Variants in LCP2 observed in about 807,000 individuals in gnomAD.
The protein encoded by LCP2 is lymphocyte cytosolic protein 2.
LCP2 carries 29 observed loss-of-function variants against 74.5 expected under a neutral mutation model. That is an observed-to-expected ratio of 0.39 (90% CI 0.29 to 0.53). LCP2 has a LOEUF of 0.53. Among genes scored for constraint, LCP2 ranks in the 20% least tolerant of loss-of-function variants. The probability of loss-of-function intolerance (pLI) is 0.72; values close to 1 mark genes in which losing one functional copy is unlikely to be tolerated. For synonymous variants in LCP2, 228 were observed against 229.5 expected (o/e 0.99, Z 0.06); for missense variants, 604 against 634.6 (o/e 0.95, Z 0.52).
In LCP2 at chr5:170,275,662, C is replaced by T. The variant is rs149095071; in HGVS notation, c.254+133G>A. 1.6e-3 allele frequency: 1,284 copies of T among 792,110 alleles called. 16 individuals are homozygous for T. In the African/African-American group the frequency reaches 0.019, roughly 12 times the overall value. The allele number at this position is 792,110 out of a possible 1,614,324, so 49.1% of individuals were successfully genotyped here. On this transcript the variant is annotated intron_variant, in intron 4 of 20. Transcript: ENST00000046794. ...GGAACCCCTTCCCCTCGTTGGACAC[C>T]ATCTTCCAGACCCCTGGGATTCAGG...
intron 1 of LCP2, among the ~76,000 whole-genome samples, chr5:170,295,943 A>G (rs1762373726): frequency 6.6e-6 from 1 of 152,062 alleles, no homozygotes; most frequent in Non-Finnish European, 1.5e-5. Flanking sequence ...ACCATCCCTG[A>G]CCCGTGGTCC....
chr5:170,248,834 A>T lies in LCP2; in HGVS notation c.1480-15T>A. Reference sequence around the variant, plus strand: ...GACAGAAAGTCCTGAAAGAGTCAAGATAGGGAGATGAGTCAACATTGGAAT... The same window carrying T: ...GACAGAAAGTCCTGAAAGAGTCAAGTTAGGGAGATGAGTCAACATTGGAAT... On this transcript the variant is annotated splice_polypyrimidine_tract_variant and intron_variant, in intron 20 of 20. Coordinates refer to ENST00000046794, the MANE Select transcript of LCP2 (RefSeq NM_005565.5). 2 of 1,611,296 alleles carry T rather than the reference A, an allele frequency of 1.2e-6. No homozygotes were observed. The highest frequency in any genetic ancestry group is 1.7e-6 in the Non-Finnish European group (2 of 1,178,370).
At chr5:170,269,922 T>C (rs1761864730) in intron 7 of LCP2, among the ~76,000 whole-genome samples, 1 of 152,226 alleles carries the variant, frequency 6.6e-6, no homozygotes, top group Non-Finnish European at 1.5e-5. Context: ...CCATGAGATA[T>C]TGAGACAGCA....
At chr5:170,259,102 C>G (rs1246159771) in intron 14 of LCP2, among the ~76,000 whole-genome samples, 1 of 152,126 alleles carries the variant, frequency 6.6e-6, no homozygotes, top group African/African-American at 2.4e-5. Flanking sequence ...GTATGAGACT[C>G]TCCTCATATA....
In LCP2 at chr5:170,294,846, G is replaced by T. The variant is rs539152975; in HGVS notation, c.79-1474C>A. ...ATGAGATAAACCAGATGATTTTGAAGAGTGCTAACTTTGTGTCTAGATCAG... is the reference window on the plus strand; with the variant it reads ...ATGAGATAAACCAGATGATTTTGAATAGTGCTAACTTTGTGTCTAGATCAG... On this transcript the variant is annotated intron_variant, in intron 1 of 20. Coordinates refer to ENST00000046794, the MANE Select transcript of LCP2 (RefSeq NM_005565.5). Among the ~76,000 whole-genome samples, 4 of 152,340 alleles carry T rather than the reference G, an allele frequency of 2.6e-5. No individual in the cohort carries two copies. In the South Asian group the frequency reaches 6.2e-4, roughly 24 times the overall value.
chr5:170,293,355 A>G lies in LCP2; in HGVS notation c.96T>C (p.Cys32=). 1 of 1,602,104 alleles carries G rather than the reference A, an allele frequency of 6.2e-7. No individual in the cohort carries two copies. Among genetic ancestry groups the G allele is most frequent in the Non-Finnish European group, 8.5e-7 (1 of 1,173,972 alleles). The change falls in exon 2 of 21, where the codon TGT becomes TGC. Residue 32 remains cysteine (C), a synonymous_variant. Coordinates refer to ENST00000046794, the MANE Select transcript of LCP2 (RefSeq NM_005565.5). ...TGTGGTACTTCTTCACTGCCTTCTCACAGTCCTTATAGTTGAGCTGCAAAG... is the reference window on the plus strand; with the variant it reads ...TGTGGTACTTCTTCACTGCCTTCTCGCAGTCCTTATAGTTGAGCTGCAAAG... The part of the protein sequence containing the change: ...DYFKKLNYKD[C]EKAVKKYHID...
Position 170,289,591 on chromosome 5 carries a change from TTTTC to T in LCP2, c.142-1579_142-1576del, listed in dbSNP as rs147406658. Among the ~76,000 whole-genome samples the T allele has an allele frequency of 4.3e-3, 644 of 149,670 alleles. 5 individuals are homozygous for T. The highest frequency in any genetic ancestry group is 7.4e-3 in the Non-Finnish European group (499 of 67,444). On this transcript the variant is annotated intron_variant, in intron 2 of 20. Coordinates refer to ENST00000046794, the MANE Select transcript of LCP2 (RefSeq NM_005565.5). Reference sequence around the variant, plus strand: ...TTTGGTTAAGCTTCTTAACTACTCCTTTTCTTTCTTTCTTTCTTTCTTTCTTTTT... The same window carrying T: ...TTTGGTTAAGCTTCTTAACTACTCCTTTTCTTTCTTTCTTTCTTTCTTTTT...
chr5:170,255,746 G>A (rs1561967106), intron 17 of LCP2, among the ~76,000 whole-genome samples: 8 of 152,122 alleles, frequency 5.3e-5, no homozygotes. Context: ...TCACAGCATC[G>A]CATGGAATAT....
chr5:170,252,437 G>A lies in LCP2; in HGVS notation c.1320C>T (p.Asn440=), dbSNP rs781380192. The A allele has an allele frequency of 5.8e-6, 9 of 1,545,044 alleles. No individual in the cohort carries two copies. The highest frequency in any genetic ancestry group is 8.0e-6 in the Non-Finnish European group (9 of 1,122,526). The change falls in exon 19 of 21, where the codon AAC becomes AAT. Residue 440 remains asparagine, a synonymous_variant. Transcript: ENST00000046794. ...AAAATAAACTATAGCACAATACCTG[G>A]TTTATCTTTCTAAGAGCAGCTTCTG... ...PEAEAALRKI[N]QDGTFLVRDS... is the part of the protein sequence containing the mutation.
intron 1 of LCP2, among the ~76,000 whole-genome samples, chr5:170,293,666 G>A (rs1025551514): frequency 6.6e-6 from 1 of 152,228 alleles, no homozygotes; most frequent in African/African-American, 2.4e-5. Flanking sequence ...TCAGGAAGGA[G>A]AGCTAAAAGA....
At chr5:170,253,462 T>C (rs1349270779) in intron 17 of LCP2, among the ~76,000 whole-genome samples, 1 of 152,214 alleles carries the variant, frequency 6.6e-6, no homozygotes, top group Non-Finnish European at 1.5e-5. Context: ...TGAGTGATTT[T>C]TCTAAATGTG....
chr5:170,248,713 G>A lies in LCP2; in HGVS notation c.1586C>T (p.Ala529Val). ...GSRYQCTLTH[A>V]AGYP ...TATAACTTGCTATGGGTACCCTGCA[G>A]CATGCGTTAATGTGCACTGGTATCT... The change falls in exon 21 of 21, where the codon GCT (alanine) becomes GTT (valine). Residue 529 changes from alanine (A) to valine (V), a missense_variant. Coordinates refer to ENST00000046794, the MANE Select transcript of LCP2 (RefSeq NM_005565.5). 1 of 1,612,024 alleles carries A rather than the reference G, an allele frequency of 6.2e-7. No homozygotes were observed. The highest frequency in any genetic ancestry group is 8.5e-7 in the Non-Finnish European group (1 of 1,179,136).
intron 1 of LCP2, 99 bp downstream of exon 1, chr5:170,297,435 A>G: frequency 4.7e-6 from 5 of 1,069,224 alleles, no homozygotes; most frequent in Non-Finnish European, 6.9e-6. Context: ...TTGCTATCTT[A>G]TACACCTCCC....
At chr5:170,288,530 G>A (rs1762223820) in intron 2 of LCP2, among the ~76,000 whole-genome samples, 1 of 152,184 alleles carries the variant, frequency 6.6e-6, no homozygotes, top group Non-Finnish European at 1.5e-5. Flanking sequence ...ATATGGGGAT[G>A]CCATGAAAAG....
chr5:170,263,103 G>C, intron 10 of LCP2, 111 bp from the exon 11 acceptor site: 3 of 1,265,618 alleles, frequency 2.4e-6, no homozygotes, highest in Non-Finnish European at 3.3e-6. Flanking sequence ...GGGTTGATGG[G>C]GTTTAAGCAT....
Position 170,256,595 on chromosome 5 carries a change from A to G in LCP2, c.1101-20T>C. 1 of 1,597,454 alleles carries G rather than the reference A, an allele frequency of 6.3e-7. No individual in the cohort carries two copies. The highest frequency in any genetic ancestry group is 2.2e-5 in the East Asian group (1 of 44,778). ...CTGTTACTGAGGAGACAGAAAAAGA[A>G]CAAAATTTATTTGGATTGGGGTGAT... is the stretch of plus-strand genomic sequence containing the variant. On this transcript the variant is annotated intron_variant, in intron 16 of 20. Coordinates refer to ENST00000046794, the MANE Select transcript of LCP2 (RefSeq NM_005565.5). The surrounding 1 kb of genome is among the most constrained non-coding windows in gnomAD (Gnocchi z 4.5).
At chr5:170,267,105 C>G in intron 8 of LCP2, 30 bp from the exon 9 acceptor site, 1 of 1,610,346 alleles carries the variant, frequency 6.2e-7, no homozygotes. Context: ...TTAGGAAGCA[C>G]TTCCAATACA....
At chr5:170,274,211 C>G in intron 6 of LCP2, 90 bp downstream of exon 6, 3 of 1,347,230 alleles carry the variant, frequency 2.2e-6, no homozygotes, top group Non-Finnish European at 3.1e-6. Context: ...TGTTAGAGCC[C>G]CGCTTCACTT....
At chr5:170,278,074 A>G (rs936146426) in intron 3 of LCP2, among the ~76,000 whole-genome samples, 12 of 150,880 alleles carry the variant, frequency 8.0e-5, no homozygotes, top group African/African-American at 2.9e-4. Context: ...GGACTCCTAC[A>G]GAGCTGGCAA....
Sources: gnomAD v4.1 joint callset for allele counts (sites outside exome capture counted in the v4.1 genomes callset) on GRCh38, gnomAD v4.1.1 for gene constraint, Gnocchi (gnomAD v3.1) non-coding constraint, MANE v1.5 for transcripts, NCBI Gene and HGNC (gene_info 2026-07-23, HGNC 2026-07-21) for gene names.